Variants in TXNRD3 observed in about 807,000 individuals in gnomAD.
The protein encoded by TXNRD3 is TXNRD3 neighbor gene protein.
In TXNRD3, 68 loss-of-function variants were observed where a neutral mutation model predicts 78.2. The ratio of observed to expected loss-of-function variants is 0.87; its 90% CI spans 0.72 to 1.06. TXNRD3 has a LOEUF of 1.06. TXNRD3 is among the 50% of genes least tolerant of loss of function. TXNRD3 has a pLI of 0.00. For synonymous variants in TXNRD3, 296 were observed against 300.1 expected (o/e 0.99, Z 0.14); for missense variants, 751 against 809.5 (o/e 0.93, Z 0.88).
chr3:126,619,799 A>G (rs1031309106), intron 12 of TXNRD3, among the ~76,000 whole-genome samples: 5 of 152,258 alleles, frequency 3.3e-5, no homozygotes, highest in Non-Finnish European at 7.3e-5. Flanking sequence ...CACATTGTAT[A>G]CGTGTATCAA....
intron 8 of TXNRD3, 29 bp from the exon 9 acceptor site, chr3:126,630,966 C>G (rs2107618826): frequency 6.6e-7 from 1 of 1,520,214 alleles, no homozygotes; most frequent in East Asian, 2.4e-5. Flanking sequence ...AAAAAGAATA[C>G]CTAGGCAGCA....
intron 10 of TXNRD3, among the ~76,000 whole-genome samples, chr3:126,624,635 A>T (rs1188607469): frequency 6.6e-6 from 1 of 152,072 alleles, no homozygotes; most frequent in Middle Eastern, 3.2e-3. Context: ...GTTAGCCAGG[A>T]TGGTCTCGAT....
intron 6 of TXNRD3, among the ~76,000 whole-genome samples, chr3:126,635,546 A>G (rs1448327155): frequency 1.3e-5 from 2 of 152,216 alleles, no homozygotes; most frequent in East Asian, 3.8e-4. Context: ...AAGGTTGCTT[A>G]GCTATTTTCA....
At chr3:126,614,641 C>A (rs1050018191) in intron 13 of TXNRD3, among the ~76,000 whole-genome samples, 3 of 152,072 alleles carry the variant, frequency 2.0e-5, no homozygotes, top group Non-Finnish European at 4.4e-5. Flanking sequence ...TCCCCAGCAC[C>A]AGAAATTTAA....
intron 3 of TXNRD3, among the ~76,000 whole-genome samples, chr3:126,644,820 T>C (rs963450141): frequency 3.9e-5 from 6 of 152,266 alleles, no homozygotes; most frequent in African/African-American, 1.2e-4. Flanking sequence ...TCAGCAAATT[T>C]TGTCATGGCT....
chr3:126,608,108 C>T, intron 15 of TXNRD3, 135 bp from the exon 16 acceptor site: 1 of 661,318 alleles, frequency 1.5e-6, no homozygotes, highest in Non-Finnish European at 2.3e-6. Context: ...TGCCTGTAAT[C>T]CCAGTACTTT....
At chr3:126,624,151 A>G (rs1004159687) in intron 10 of TXNRD3, among the ~76,000 whole-genome samples, 1 of 152,208 alleles carries the variant, frequency 6.6e-6, no homozygotes, top group Non-Finnish European at 1.5e-5. Flanking sequence ...GGAAAAATCA[A>G]TATTGTTAAA....
At chr3:126,614,959 T>C (rs1241263407) in intron 13 of TXNRD3, among the ~76,000 whole-genome samples, 7 of 152,112 alleles carry the variant, frequency 4.6e-5, no homozygotes, top group African/African-American at 1.7e-4. Flanking sequence ...TAAAGGTGTG[T>C]AGAGGGCGTC....
intron 13 of TXNRD3, among the ~76,000 whole-genome samples, chr3:126,612,698 T>C (rs1479214975): frequency 6.6e-6 from 1 of 152,240 alleles, no homozygotes; most frequent in Non-Finnish European, 1.5e-5. Flanking sequence ...CCTTTCATTC[T>C]TTCACTGGTT....
chr3:126,617,686 G>A (rs1938349263), intron 12 of TXNRD3, among the ~76,000 whole-genome samples: 1 of 152,224 alleles, frequency 6.6e-6, no homozygotes, highest in Non-Finnish European at 1.5e-5. Flanking sequence ...ATGCCCACTG[G>A]CACCAGTCTT....
intron 8 of TXNRD3, 120 bp downstream of exon 8, chr3:126,631,644 G>A (rs1938716859): frequency 5.9e-6 from 4 of 683,108 alleles, no homozygotes; most frequent in Middle Eastern, 3.2e-4. Flanking sequence ...TTCTTGCATT[G>A]TATATATTTT....
Position 126,607,971 on chromosome 3 carries a change from C to G in TXNRD3, c.1866G>C (p.Val622=), listed in dbSNP as rs750488307. ...ACTTTGTGATTTCCAAAGTCGTGAA[C>G]ACCTGTTCAAGAGAAAGAAAACAAA... Residue 622 remains valine (V), a splice_region_variant and synonymous_variant, in exon 16 of 16, where the codon GTG becomes GTC. Coordinates refer to ENST00000524230, the MANE Select transcript of TXNRD3 (RefSeq NM_052883.3). 4.7e-6 allele frequency: 7 copies of G among 1,498,688 alleles called. No homozygotes were observed. In the African/African-American group the frequency reaches 8.3e-5, roughly 18 times the overall value. 92.8% of individuals were successfully genotyped at this position (1,498,688 alleles called of 1,614,324 possible).
intron 6 of TXNRD3, among the ~76,000 whole-genome samples, chr3:126,641,396 T>A (rs774253761): frequency 5.3e-5 from 8 of 152,180 alleles, no homozygotes; most frequent in Non-Finnish European, 1.2e-4. Flanking sequence ...CTTCCAGTCT[T>A]AAAGGTCCTA....
chr3:126,627,518 G>C (rs962534590), intron 10 of TXNRD3, among the ~76,000 whole-genome samples: 1 of 152,206 alleles, frequency 6.6e-6, no homozygotes, highest in East Asian at 1.9e-4. Flanking sequence ...TGTACACCTA[G>C]GATCTGTGGA....
chr3:126,633,374 AGAT>A (rs1405004928), intron 7 of TXNRD3, among the ~76,000 whole-genome samples: 2 of 152,214 alleles, frequency 1.3e-5, no homozygotes, highest in Non-Finnish European at 2.9e-5. Flanking sequence ...AAAATAAACT[AGAT>A]GATGAGGACA....
intron 14 of TXNRD3, among the ~76,000 whole-genome samples, chr3:126,610,129 C>G (rs998779154): frequency 6.6e-6 from 1 of 152,174 alleles, no homozygotes. Flanking sequence ...GATGACTTCA[C>G]CATTCAGGCA....
chr3:126,618,863 C>CAAAAAAAAAAAA (rs36021189), intron 12 of TXNRD3, among the ~76,000 whole-genome samples: 1 of 73,114 alleles, frequency 1.4e-5, no homozygotes, highest in Non-Finnish European at 2.9e-5. Flanking sequence ...AACTCAGAGC[C>CAAAAAAAAAAAA]AAAAAAAAAA....
At chr3:126,639,923 C>T (rs575254126) in intron 6 of TXNRD3, among the ~76,000 whole-genome samples, 2 of 152,052 alleles carry the variant, frequency 1.3e-5, no homozygotes, top group South Asian at 4.2e-4. Context: ...GCAAATAAAA[C>T]TACCCCAAAA....
intron 7 of TXNRD3, 53 bp downstream of exon 7, chr3:126,633,856 T>G (rs1289301291): frequency 2.6e-5 from 36 of 1,391,968 alleles, no homozygotes; most frequent in Non-Finnish European, 3.1e-5. Flanking sequence ...TGAAGGCAAG[T>G]ATAAACAATT....
Sources: gnomAD v4.1 joint callset for allele counts (sites outside exome capture counted in the v4.1 genomes callset) on GRCh38, gnomAD v4.1.1 for gene constraint, MANE v1.5 for transcripts, NCBI Gene and HGNC (gene_info 2026-07-23, HGNC 2026-07-21) for gene names.